The following HERC1 variants were observed in gnomAD, a reference collection of about 807,000 sequenced individuals.
The protein encoded by HERC1 is probable E3 ubiquitin-protein ligase HERC1.
HERC1 carries 160 observed loss-of-function variants against 554.3 expected under a neutral mutation model. The ratio of observed to expected loss-of-function variants is 0.29; its 90% CI spans 0.25 to 0.33. The LOEUF is 0.33. HERC1 is among the 10% of genes least tolerant of loss of function. HERC1 has a pLI of 1.00. For missense variants in HERC1, 4,919 were observed against 5,918.5 expected (o/e 0.83, Z 5.54); for synonymous variants, 2,175 against 2,131.7 (o/e 1.02, Z -0.56).
Position 63,718,083 on chromosome 15 carries a change from GAC to G in HERC1, c.3978+489_3978+490del, listed in dbSNP as rs34069674. ...AGTATTTTTAAGGCAGCTATTATGT[GAC>G]ACACACACACACACACACACACACA... On this transcript the variant is annotated intron_variant, in intron 21 of 77. Transcript: ENST00000443617. This position sits in a 1 kb window ranked among gnomAD's most constrained non-coding sequence, Gnocchi z 4.2. Among the ~76,000 whole-genome samples the G allele has an allele frequency of 0.012, 898 of 75,542 alleles. 14 individuals are homozygous for G. Among genetic ancestry groups the G allele is most frequent in the East Asian group, 0.07 (333 of 4,750 alleles). 49.6% of individuals were successfully genotyped at this position (75,542 alleles called of 152,430 possible).
chr15:63,634,103 A>G, intron 66 of HERC1, 133 bp from the exon 67 acceptor site: 1 of 924,654 alleles, frequency 1.1e-6, no homozygotes, highest in Non-Finnish European at 1.6e-6. Context: ...GTTTCAGAGC[A>G]TACTACAAAT....
intron 2 of HERC1, among the ~76,000 whole-genome samples, chr15:63,772,607 C>G (rs1689618368): frequency 6.6e-6 from 1 of 151,526 alleles, no homozygotes; most frequent in African/African-American, 2.4e-5. Context: ...TATTAAGAAT[C>G]AGAAAACAAA....
chr15:63,814,629 G>A (rs2077433716), intron 1 of HERC1, among the ~76,000 whole-genome samples: 3 of 152,252 alleles, frequency 2.0e-5, no homozygotes, highest in Admixed American at 6.5e-5. Context: ...GCTACTTTTT[G>A]TACTAGTTTT....
At chr15:63,829,785 G>A (rs999273624) in intron 1 of HERC1, among the ~76,000 whole-genome samples, 9 of 151,480 alleles carry the variant, frequency 5.9e-5, no homozygotes, top group Non-Finnish European at 1.3e-4. Context: ...AACAGCCTGT[G>A]GCCCCAGAAT....
chr15:63,664,403 A>C, intron 43 of HERC1, 67 bp downstream of exon 43: 1 of 1,452,296 alleles, frequency 6.9e-7, no homozygotes, highest in Non-Finnish European at 9.5e-7. Flanking sequence ...ATCTTCTTTA[A>C]TGTGCCTTTA....
chr15:63,733,161 ATAGGAACAAGTAAC>A lies in HERC1; in HGVS notation c.2647-30_2647-17del. 1 of 1,557,724 alleles carries A rather than the reference ATAGGAACAAGTAAC, an allele frequency of 6.4e-7. No homozygotes were observed. Among genetic ancestry groups the A allele is most frequent in the South Asian group, 1.1e-5 (1 of 89,860 alleles). ...GTTGCATTCTCTAAAGAACAATAAAATAGGAACAAGTAACTAGCGTAATATGCACTAGAAAAGAA... is the reference window on the plus strand; with the variant it reads ...GTTGCATTCTCTAAAGAACAATAAAATAGCGTAATATGCACTAGAAAAGAA... On this transcript the variant is annotated splice_polypyrimidine_tract_variant and intron_variant, in intron 13 of 77. Coordinates refer to ENST00000443617, the MANE Select transcript of HERC1 (RefSeq NM_003922.4).
intron 55 of HERC1, among the ~76,000 whole-genome samples, chr15:63,646,824 A>G (rs1205171118): frequency 1.9e-5 from 2 of 104,736 alleles, no homozygotes; most frequent in African/African-American, 7.3e-5. Flanking sequence ...AAACAAACAA[A>G]CAAACAAAAA....
chr15:63,788,869 C>G lies in HERC1; in HGVS notation c.-26-13220G>C, dbSNP rs548488302. ...CAGCCTGGGTAACAGAGCAAGACTC[C>G]GTCTCAAAAAAAAAAAAAAAAAAAT... On this transcript the variant is annotated intron_variant, in intron 1 of 77. Transcript: ENST00000443617. 5.8e-4 allele frequency among the ~76,000 whole-genome samples: 77 copies of G among 132,316 alleles called. 1 individual carries two copies. The East Asian group carries it at 0.015, about 26-fold the overall frequency. The allele number at this position is 132,316 out of a possible 152,430, so 86.8% of individuals were successfully genotyped here.
intron 39 of HERC1, among the ~76,000 whole-genome samples, chr15:63,671,373 TAAAAAA>T (rs35097725): frequency 7.0e-6 from 1 of 141,914 alleles, no homozygotes; most frequent in African/African-American, 2.6e-5. Flanking sequence ...AGCTGTCTCT[TAAAAAA>T]AAAAAAAAGT....
In HERC1 at chr15:63,623,614, A is replaced by G. The variant is rs550654035; in HGVS notation, c.13611+111T>C. ...GCATCACTTTATATGAGGCTCACAAATGCATCCTTGCTACATTTATAAAAA... is the reference window on the plus strand; with the variant it reads ...GCATCACTTTATATGAGGCTCACAAGTGCATCCTTGCTACATTTATAAAAA... On this transcript the variant is annotated intron_variant, in intron 73 of 77. Transcript: ENST00000443617. 1.4e-4 allele frequency: 142 copies of G among 1,050,284 alleles called. 4 individuals carry two copies. The South Asian group carries it at 1.9e-3, about 14-fold the overall frequency. The allele number at this position is 1,050,284 out of a possible 1,614,324, so 65.1% of individuals were successfully genotyped here.
intron 34 of HERC1, among the ~76,000 whole-genome samples, chr15:63,686,052 C>T (rs755204843): frequency 4.6e-5 from 7 of 152,150 alleles, no homozygotes; most frequent in East Asian, 1.9e-4. Context: ...AAACATCACA[C>T]GCTTTGCTTC....
intron 1 of HERC1, among the ~76,000 whole-genome samples, chr15:63,820,453 A>G (rs1026047474): frequency 1.3e-5 from 2 of 152,222 alleles, no homozygotes; most frequent in African/African-American, 2.4e-5. Context: ...ATTGAAATAT[A>G]ATCTTCCTAG....
chr15:63,656,013 T>TATACCTCC (rs2070013834), intron 49 of HERC1, 58 bp from the exon 50 acceptor site: 1 of 1,593,006 alleles, frequency 6.3e-7, no homozygotes, highest in African/African-American at 1.3e-5. Context: ...GGAACAAAAA[T>TATACCTCC]ATTTCATTTC....
chr15:63,713,167 T>G (rs917951734), intron 23 of HERC1, among the ~76,000 whole-genome samples, 186 bp downstream of exon 23: 1 of 152,284 alleles, frequency 6.6e-6, no homozygotes. Context: ...AATCAGAAAT[T>G]TATAGCCCAT....
At chr15:63,660,720 GA>G (rs940864124) in intron 46 of HERC1, among the ~76,000 whole-genome samples, 2 of 149,920 alleles carry the variant, frequency 1.3e-5, no homozygotes, top group African/African-American at 2.4e-5. Flanking sequence ...TCCCTACTTT[GA>G]AAAAAAAATA....
chr15:63,756,831 C>T lies in HERC1; in HGVS notation c.1222-83G>A. The T allele has an allele frequency of 1.2e-6, 1 of 834,008 alleles. No individual in the cohort carries two copies. The highest frequency in any genetic ancestry group is 1.8e-6 in the Non-Finnish European group (1 of 552,658). The allele number at this position is 834,008 out of a possible 1,614,324, so 51.7% of individuals were successfully genotyped here. A position where few individuals can be genotyped will look rare whatever the true frequency, so the allele number is the denominator to read the frequency against. On this transcript the variant is annotated intron_variant, in intron 4 of 77. Transcript: ENST00000443617. The surrounding 1 kb of genome is among the most constrained non-coding windows in gnomAD (Gnocchi z 5.0). Reference sequence around the variant, plus strand: ...TAAGGCTGGTTTTATCAAAGAGCCTCAAAGGAAGTCTTTTAGCAGGATACG... The same window carrying T: ...TAAGGCTGGTTTTATCAAAGAGCCTTAAAGGAAGTCTTTTAGCAGGATACG...
At chr15:63,781,765 C>G (rs2076294748) in intron 1 of HERC1, among the ~76,000 whole-genome samples, 1 of 152,182 alleles carries the variant, frequency 6.6e-6, no homozygotes, top group Admixed American at 6.5e-5. Context: ...AGCTAAGCCT[C>G]TTGCGCCAGT....
Position 63,637,086 on chromosome 15 carries a change from G to A in HERC1, c.12232+419C>T, listed in dbSNP as rs1050659318. ...CTTGTACAGTGGTTTCTCCAAAGGT[G>A]TTCTCTCTCCAAGTCACAAAGAACT... On this transcript the variant is annotated intron_variant, in intron 64 of 77. Transcript: ENST00000443617. 4 of 456,300 alleles carry A rather than the reference G, an allele frequency of 8.8e-6. No individual in the cohort carries two copies. In the Admixed American group the frequency reaches 9.4e-5, roughly 11 times the overall value. The allele number at this position is 456,300 out of a possible 1,614,324, so 28.3% of individuals were successfully genotyped here.
intron 1 of HERC1, among the ~76,000 whole-genome samples, chr15:63,800,630 C>A (rs2076948533): frequency 6.6e-6 from 1 of 152,236 alleles, no homozygotes; most frequent in Non-Finnish European, 1.5e-5. Flanking sequence ...AATGTTCACA[C>A]AGCATCCAGT....
Sources: gnomAD v4.1 joint callset for allele counts (sites outside exome capture counted in the v4.1 genomes callset) on GRCh38, gnomAD v4.1.1 for gene constraint, Gnocchi (gnomAD v3.1) non-coding constraint, MANE v1.5 for transcripts, NCBI Gene and HGNC (gene_info 2026-07-23, HGNC 2026-07-21) for gene names.